TRABD2B: variants seen among roughly 807,000 people sequenced by gnomAD.
TRABD2B encodes the protein metalloprotease TIKI2.
In TRABD2B, 14 loss-of-function variants were observed where a neutral mutation model predicts 40.1. That is an observed-to-expected ratio of 0.35 (90% CI 0.23 to 0.55). TRABD2B has a LOEUF of 0.55. TRABD2B is among the 20% of genes least tolerant of loss of function. The probability of loss-of-function intolerance (pLI) is 0.90; values close to 1 mark genes in which losing one functional copy is unlikely to be tolerated. For synonymous variants in TRABD2B, 263 were observed against 277.0 expected (o/e 0.95, Z 0.50); for missense variants, 541 against 648.6 (o/e 0.83, Z 1.80).
At chr1:47,990,805 ATATATATATATATATATATATATATATAT>A (rs2148459769) in intron 2 of TRABD2B, among the ~76,000 whole-genome samples, 2 of 74,676 alleles carry the variant, frequency 2.7e-5, no homozygotes, top group African/African-American at 5.2e-5. Context: ...ATATATATAT[ATATATATATATATATATATATATATATAT>A]AAAACGTTGG....
intron 2 of TRABD2B, among the ~76,000 whole-genome samples, chr1:47,983,361 A>C (rs912893880): frequency 6.6e-6 from 1 of 152,198 alleles, no homozygotes; most frequent in African/African-American, 2.4e-5. Context: ...GGAGAGAAGC[A>C]GAAAAGCTAA....
Position 47,766,059 on chromosome 1 carries a change from G to A in TRABD2B, c.1397C>T (p.Ser466Leu), listed in dbSNP as rs995115987. 2.9e-6 allele frequency: 2 copies of A among 698,074 alleles called. No individual in the cohort carries two copies. The highest frequency in any genetic ancestry group is 2.7e-5 in the East Asian group (1 of 37,242). 43.2% of individuals were successfully genotyped at this position (698,074 alleles called of 1,614,324 possible). Residue 466 changes from serine to leucine, a missense_variant, in exon 7 of 7, where the codon TCG (serine) becomes TTG (leucine). Physicochemically the swap from Ser to Leu is moderately radical, Grantham distance 145. Around this residue, in one of 2 missense-constraint regions of TRABD2B, gnomAD observed 172 missense variants for 155.8 expected, o/e 1.10. Coordinates refer to ENST00000606738, the MANE Select transcript of TRABD2B (RefSeq NM_001194986.2). ...PPLPLQPTHS[S>L]GTAKPPFQLS... is the part of the protein sequence containing the mutation. ...CTGGAAGGGGGGCTTGGCGGTCCCC[G>A]AGCTGTGGGTGGGCTGCAGGGGCAG...
chr1:47,987,909 G>A (rs965826352), intron 2 of TRABD2B, among the ~76,000 whole-genome samples: 1 of 152,132 alleles, frequency 6.6e-6, no homozygotes, highest in Non-Finnish European at 1.5e-5. Context: ...TGGTATAGGC[G>A]ATGCCAGCCT....
intron 2 of TRABD2B, among the ~76,000 whole-genome samples, chr1:47,930,934 G>A (rs1645032424): frequency 6.6e-6 from 1 of 152,150 alleles, no homozygotes; most frequent in Non-Finnish European, 1.5e-5. Context: ...CTTCCTGATG[G>A]GAGCAATGTA....
intron 3 of TRABD2B, chr1:47,795,732 C>T: frequency 1.0e-6 from 1 of 984,642 alleles, no homozygotes; most frequent in Non-Finnish European, 1.2e-6. Context: ...AATGCCTGAG[C>T]CACCATCTGC....
At chr1:47,936,732 C>G (rs1557667015) in intron 2 of TRABD2B, among the ~76,000 whole-genome samples, 2 of 152,186 alleles carry the variant, frequency 1.3e-5, no homozygotes, top group Admixed American at 6.5e-5. Context: ...GTTAATCATT[C>G]AATGCTTCAG....
intron 2 of TRABD2B, among the ~76,000 whole-genome samples, chr1:47,895,665 C>T (rs1644507773): frequency 6.6e-6 from 1 of 152,210 alleles, no homozygotes; most frequent in African/African-American, 2.4e-5. Flanking sequence ...ACAGAGTTCA[C>T]TCCTCATTTA....
chr1:47,839,208 T>A (rs999782899), intron 2 of TRABD2B, among the ~76,000 whole-genome samples: 3 of 151,484 alleles, frequency 2.0e-5, no homozygotes, highest in African/African-American at 4.9e-5. Context: ...CACCACAGAG[T>A]CTATTCTCAG....
intron 2 of TRABD2B, among the ~76,000 whole-genome samples, chr1:47,863,601 G>A (rs984667208): frequency 2.6e-5 from 4 of 151,966 alleles, no homozygotes; most frequent in African/African-American, 9.7e-5. Flanking sequence ...CACTGATAGT[G>A]CCCAGTGCTG....
At chr1:47,979,726 C>G (rs1481848338) in intron 2 of TRABD2B, among the ~76,000 whole-genome samples, 1 of 152,200 alleles carries the variant, frequency 6.6e-6, no homozygotes, top group Non-Finnish European at 1.5e-5. Context: ...TATCCTCCAG[C>G]AACGACGTTA....
At position 47,837,547 on chromosome 1, in the gene TRABD2B, C is replaced by G. The variant is rs898708718; in HGVS notation, c.667-35928G>C. Among the ~76,000 whole-genome samples, 6 of 152,160 alleles carry G rather than the reference C, an allele frequency of 3.9e-5. No homozygotes were observed. The South Asian group carries it at 6.2e-4, about 16-fold the overall frequency. ...CTGCTCCCGCCAAGGTCCCCAAGAG[C>G]CTCCTGTGACTGTATCTGAGTTCAG... On this transcript the variant is annotated intron_variant, in intron 2 of 6. Coordinates refer to ENST00000606738, the MANE Select transcript of TRABD2B (RefSeq NM_001194986.2).
intron 2 of TRABD2B, among the ~76,000 whole-genome samples, chr1:47,931,374 T>C (rs1461245182): frequency 6.6e-6 from 1 of 152,068 alleles, no homozygotes; most frequent in Non-Finnish European, 1.5e-5. Context: ...CCACCTTATG[T>C]TTTCTCCATC....
intron 2 of TRABD2B, among the ~76,000 whole-genome samples, chr1:47,838,891 G>A (rs142446498): frequency 2.6e-5 from 4 of 152,306 alleles, no homozygotes; most frequent in Non-Finnish European, 5.9e-5. Context: ...CTCCTGAGAC[G>A]AAACGGGAGA....
chr1:47,948,443 T>G (rs1645290592), intron 2 of TRABD2B, among the ~76,000 whole-genome samples: 1 of 152,220 alleles, frequency 6.6e-6, no homozygotes, highest in African/African-American at 2.4e-5. Context: ...GGTTGTTAAC[T>G]TTTTACCTCT....
At chr1:47,865,783 C>T (rs554794274) in intron 2 of TRABD2B, among the ~76,000 whole-genome samples, 6 of 152,114 alleles carry the variant, frequency 3.9e-5, no homozygotes, top group East Asian at 1.9e-4. Context: ...CACCAGACTA[C>T]GGCTCTTAGT....
intron 2 of TRABD2B, among the ~76,000 whole-genome samples, chr1:47,847,123 C>T (rs1461306126): frequency 6.6e-6 from 1 of 152,154 alleles, no homozygotes; most frequent in Non-Finnish European, 1.5e-5. Context: ...GGAAACTGCT[C>T]CTTCTTGGGG....
intron 2 of TRABD2B, among the ~76,000 whole-genome samples, chr1:47,916,835 C>G (rs1644836380): frequency 6.6e-6 from 1 of 152,246 alleles, no homozygotes; most frequent in South Asian, 2.1e-4. Context: ...TCTCCCCATT[C>G]TGTTTCACAC....
chr1:47,792,856 GA>G (rs893843000), intron 4 of TRABD2B, among the ~76,000 whole-genome samples: 2 of 152,136 alleles, frequency 1.3e-5, no homozygotes, highest in Non-Finnish European at 2.9e-5. Flanking sequence ...GCCTGGGGAG[GA>G]GCCTGGGGGC....
chr1:47,766,960 GC>G (rs2124412303), intron 6 of TRABD2B, among the ~76,000 whole-genome samples: 1 of 152,336 alleles, frequency 6.6e-6, no homozygotes, highest in Non-Finnish European at 1.5e-5. Flanking sequence ...GCTGACCTGA[GC>G]CCAGCACACG....
Sources: allele counts gnomAD v4.1 joint callset (sites outside exome capture counted in the v4.1 genomes callset), GRCh38; gene constraint gnomAD v4.1.1; regional missense constraint gnomAD v4.1.1; transcripts MANE v1.5; gene names NCBI Gene and HGNC (gene_info 2026-07-23, HGNC 2026-07-21).